LIMCH1: variants seen among roughly 807,000 people sequenced by gnomAD.
The protein encoded by LIMCH1 is LIM and calponin homology domains 1.
Under a neutral mutation model 176.5 loss-of-function variants are expected in LIMCH1, and 113 were observed. The ratio of observed to expected loss-of-function variants is 0.64; its 90% CI spans 0.55 to 0.75. The LOEUF (loss-of-function observed/expected upper bound fraction) is 0.75. LIMCH1 is among the 30% of genes least tolerant of loss of function. The pLI, the probability that LIMCH1 is intolerant of heterozygous loss-of-function variation, is 0.00. For missense variants in LIMCH1, 1,674 were observed against 1,814.9 expected, an observed-to-expected ratio of 0.92 and a Z score of 1.41; for synonymous variants, 619 against 645.9, an observed-to-expected ratio of 0.96 and a Z score of 0.63.
At chr4:41,671,059 A>T (rs1585668651) in intron 21 of LIMCH1, 60 of 150,394 alleles carry the variant, frequency 4.0e-4, no homozygotes, top group Non-Finnish European at 5.6e-4. Flanking sequence ...CCCTGCCTTT[A>T]AAAAAAAAAA....
At chr4:41,640,475 A>G (rs182411601) in intron 14 of LIMCH1, among the ~76,000 whole-genome samples, 2 of 152,316 alleles carry the variant, frequency 1.3e-5, no homozygotes, top group African/African-American at 4.8e-5. Flanking sequence ...ATGATTTCTT[A>G]AAAGGGGTGG....
chr4:41,541,798 A>G (rs2078694076), intron 1 of LIMCH1, among the ~76,000 whole-genome samples: 1 of 152,200 alleles, frequency 6.6e-6, no homozygotes, highest in Non-Finnish European at 1.5e-5. Flanking sequence ...CTTCTGTTTG[A>G]TTCCCATGTA....
At chr4:41,568,865 T>C (rs551101613) in intron 1 of LIMCH1, among the ~76,000 whole-genome samples, 2 of 152,338 alleles carry the variant, frequency 1.3e-5, no homozygotes, top group African/African-American at 4.8e-5. Flanking sequence ...GGCCCATCTT[T>C]GTGCATTGGC....
At chr4:41,661,281 A>C in intron 18 of LIMCH1, 139 bp from the exon 19 acceptor site, 1 of 650,330 alleles carries the variant, frequency 1.5e-6, no homozygotes. Context: ...GGCTCTCGCC[A>C]TGAAGCTGCC....
At chr4:41,518,105 A>G (rs766272459) in intron 2 of LIMCH1, among the ~76,000 whole-genome samples, 1 of 152,230 alleles carries the variant, frequency 6.6e-6, no homozygotes, top group Non-Finnish European at 1.5e-5. Flanking sequence ...TAGGATAATT[A>G]CTAGAATTGA....
chr4:41,430,107 A>G (rs1446847595), intron 1 of LIMCH1, among the ~76,000 whole-genome samples: 1 of 152,224 alleles, frequency 6.6e-6, no homozygotes, highest in Non-Finnish European at 1.5e-5. Flanking sequence ...ACGTAAGTCA[A>G]ATACCATAAT....
intron 2 of LIMCH1, among the ~76,000 whole-genome samples, chr4:41,601,345 G>A (rs1360060613): frequency 3.9e-5 from 6 of 152,180 alleles, no homozygotes; most frequent in South Asian, 2.1e-4. Flanking sequence ...TGGCCAGTCC[G>A]GAGGTGGTTG....
At chr4:41,626,651 G>T (rs1042158074) in intron 7 of LIMCH1, 57 bp from the exon 8 acceptor site, 1 of 1,396,842 alleles carries the variant, frequency 7.2e-7, no homozygotes, top group South Asian at 1.3e-5. Flanking sequence ...TAGAGATGGA[G>T]ATTTAATTTT....
At chr4:41,641,261 A>G (rs2093810782) in intron 14 of LIMCH1, among the ~76,000 whole-genome samples, 2 of 151,938 alleles carry the variant, frequency 1.3e-5, no homozygotes, top group East Asian at 1.9e-4. Flanking sequence ...ATATCCGCCA[A>G]CCCCCATCCC....
Position 41,626,860 on chromosome 4 carries a change from C to T in LIMCH1, c.878C>T (p.Ala293Val), listed in dbSNP as rs115179404. The change falls in exon 8 of 32, where the codon GCA becomes GTA. Residue 293 changes from alanine to valine, a missense_variant. Ala to Val is a moderately conservative substitution (Grantham distance 64). This residue lies in a region of LIMCH1 where 655 missense variants were observed against 692.2 expected (regional missense o/e 0.95). Transcript: ENST00000503057. ...LPDLEKDDFA[A>V]RRARMNQTKP... ...GATCTTGAGAAGGATGACTTTGCTG[C>T]AAGGAGAGCAAGGATGAACCAAACC... The T allele has an allele frequency of 1.1e-3, 1,639 of 1,536,070 alleles. 20 individuals carry two copies. The African/African-American group carries it at 0.02, about 19-fold the overall frequency.
At chr4:41,532,416 G>C (rs149628832) in intron 3 of LIMCH1, among the ~76,000 whole-genome samples, 1 of 152,118 alleles carries the variant, frequency 6.6e-6, no homozygotes, top group Non-Finnish European at 1.5e-5. Context: ...CTTCAGAAAC[G>C]TATTTAAGGC....
intron 1 of LIMCH1, among the ~76,000 whole-genome samples, chr4:41,381,795 A>G (rs1487962260): frequency 1.3e-5 from 2 of 152,182 alleles, no homozygotes; most frequent in Non-Finnish European, 2.9e-5. Flanking sequence ...AGGCTATCCT[A>G]GATCAGCTAA....
rs1394567260 is a variant in LIMCH1, at chr4:41,627,016, C to T, written c.1028+6C>T. ...AGAAGTCTAGAATATAAAAGGTGTG[C>T]ATGGTGTGTGTGTGTGTGTGTGTGT... is the stretch of plus-strand genomic sequence containing the variant. On this transcript the variant is annotated splice_donor_region_variant and intron_variant, in intron 8 of 31. Coordinates refer to ENST00000503057, the MANE Select transcript of LIMCH1 (RefSeq NM_001330672.2). 3 of 1,367,166 alleles carry T rather than the reference C, an allele frequency of 2.2e-6. No individual in the cohort carries two copies. Among genetic ancestry groups the T allele is most frequent in the Non-Finnish European group, 1.9e-6 (2 of 1,030,154 alleles). The allele number at this position is 1,367,166 out of a possible 1,614,324, so 84.7% of individuals were successfully genotyped here.
intron 13 of LIMCH1, among the ~76,000 whole-genome samples, chr4:41,635,239 T>TC (rs1321597629): frequency 6.6e-6 from 1 of 151,346 alleles, no homozygotes; most frequent in East Asian, 1.9e-4. Context: ...TCTGTCACTT[T>TC]TTTTTTTTTT....
chr4:41,365,747 T>G (rs2052870340), intron 1 of LIMCH1, among the ~76,000 whole-genome samples: 1 of 152,246 alleles, frequency 6.6e-6, no homozygotes, highest in African/African-American at 2.4e-5. Flanking sequence ...CTTGTTTGTA[T>G]ACAAGAGCAG....
At chr4:41,661,026 C>G (rs1438281490) in intron 18 of LIMCH1, among the ~76,000 whole-genome samples, 1 of 152,184 alleles carries the variant, frequency 6.6e-6, no homozygotes, top group Non-Finnish European at 1.5e-5. Context: ...TATGCCAAGA[C>G]AGGCCACTGA....
intron 1 of LIMCH1, among the ~76,000 whole-genome samples, chr4:41,445,340 A>G (rs1350558415): frequency 1.3e-5 from 2 of 152,178 alleles, no homozygotes; most frequent in African/African-American, 4.8e-5. Context: ...GCCTATTTAT[A>G]TCTCAAACCT....
At chr4:41,429,963 G>A (rs1272520217) in intron 1 of LIMCH1, among the ~76,000 whole-genome samples, 1 of 152,196 alleles carries the variant, frequency 6.6e-6, no homozygotes, top group Non-Finnish European at 1.5e-5. Flanking sequence ...GCCAGTCAAT[G>A]AAAGGCAAGT....
chr4:41,580,274 G>A (rs1018012698), intron 1 of LIMCH1, among the ~76,000 whole-genome samples: 1 of 152,084 alleles, frequency 6.6e-6, no homozygotes, highest in Non-Finnish European at 1.5e-5. Flanking sequence ...CTGAATCATG[G>A]CCACAAAGAA....
Sources: gnomAD v4.1 joint callset for allele counts (sites outside exome capture counted in the v4.1 genomes callset) on GRCh38, gnomAD v4.1.1 for gene constraint, gnomAD v4.1.1 regional missense constraint, MANE v1.5 for transcripts, NCBI Gene and HGNC (gene_info 2026-07-23, HGNC 2026-07-21) for gene names.